TEX11: variants seen among roughly 807,000 people sequenced by gnomAD.
The protein encoded by TEX11 is testis expressed 11.
In TEX11, 7 loss-of-function variants were observed where a neutral mutation model predicts 84.4. The observed-to-expected ratio is 0.08, with a 90% CI of 0.05 to 0.16. The LOEUF is 0.16. Among genes scored for constraint, TEX11 ranks in the 10% least tolerant of loss-of-function variants. TEX11 has a pLI of 1.00. For synonymous variants in TEX11, 264 were observed against 222.8 expected (o/e 1.18, Z -1.64); for missense variants, 551 against 660.5 (o/e 0.83, Z 1.82).
At chrX:70,821,158 A>G (rs954489024) in intron 8 of TEX11, among the ~76,000 whole-genome samples, 1 of 112,350 alleles carries the variant, frequency 8.9e-6, no homozygotes. Context: ...ACTCAATAGC[A>G]AAACAAAAAA....
chrX:70,571,515 T>G (rs2088598417), intron 25 of TEX11, among the ~76,000 whole-genome samples: 1 of 112,264 alleles, frequency 8.9e-6, no homozygotes, highest in Non-Finnish European at 1.9e-5. Context: ...TTTAGTTGTA[T>G]CCAACAAGTT....
chrX:70,840,955 T>C (rs1179481955), intron 7 of TEX11, among the ~76,000 whole-genome samples: 3 of 110,582 alleles, frequency 2.7e-5, no homozygotes, highest in Admixed American at 9.6e-5. Context: ...ATGCACCCAA[T>C]ACAGGAGCAC....
intron 7 of TEX11, among the ~76,000 whole-genome samples, chrX:70,836,073 G>A (rs73213090): frequency 0.13 from 13,197 of 99,080 alleles, 778 homozygotes; most frequent in Middle Eastern, 0.31. Flanking sequence ...CCGAGATGGC[G>A]CAATATTGCC....
the TEX11 span, among the ~76,000 whole-genome samples, chrX:70,516,623 T>G: frequency 9.0e-6 from 1 of 111,651 alleles, no homozygotes; most frequent in Admixed American, 9.6e-5. Context: ...TGGTTCCATA[T>G]GAACTTTAAA....
chrX:70,685,572 C>G (rs1168850999), intron 13 of TEX11, among the ~76,000 whole-genome samples: 5 of 111,503 alleles, frequency 4.5e-5, no homozygotes, highest in African/African-American at 1.6e-4. Context: ...ACACCAAAAG[C>G]AAAGGCAAAA....
chrX:70,511,568 C>T, the TEX11 span, among the ~76,000 whole-genome samples: 4 of 106,621 alleles, frequency 3.8e-5, no homozygotes, highest in Admixed American at 3.0e-4. Flanking sequence ...AATTGGCCAA[C>T]ATAGTGAAAC....
chrX:70,696,181 C>A (rs2090278623), intron 13 of TEX11, among the ~76,000 whole-genome samples: 1 of 111,319 alleles, frequency 9.0e-6, no homozygotes, highest in African/African-American at 3.3e-5. Flanking sequence ...ACTATGGAGT[C>A]CCCTAAAACT....
intron 16 of TEX11, among the ~76,000 whole-genome samples, chrX:70,660,001 A>T (rs1037986307): frequency 5.3e-5 from 6 of 112,539 alleles, no homozygotes; most frequent in African/African-American, 1.9e-4. Flanking sequence ...CTCCTAGGCT[A>T]CAAATCTCTA....
intron 2 of TEX11, among the ~76,000 whole-genome samples, chrX:70,900,515 G>C (rs1221527392): frequency 9.1e-6 from 1 of 110,228 alleles, no homozygotes; most frequent in Non-Finnish European, 1.9e-5. Context: ...CATCAAAAAA[G>C]AGGAAAAACT....
At chrX:70,781,024 G>A (rs774916461) in intron 9 of TEX11, among the ~76,000 whole-genome samples, 6 of 112,260 alleles carry the variant, frequency 5.3e-5, no homozygotes, top group Non-Finnish European at 7.5e-5. Flanking sequence ...CCTGACCCCC[G>A]TGTAGCCTAA....
rs995712656 is a variant in TEX11, at chrX:70,907,771, A to C, written c.19T>G (p.Phe7Val). The C allele has an allele frequency of 1.0e-5, 12 of 1,186,666 alleles. No homozygotes were observed. Among genetic ancestry groups the C allele is most frequent in the Non-Finnish European group, 1.3e-5 (11 of 873,777 alleles). Residue 7 changes from phenylalanine to valine, a missense_variant, in exon 2 of 30, where the codon TTT becomes GTT. Coordinates refer to ENST00000374333, the MANE Select transcript of TEX11 (RefSeq NM_031276.3). ...TACGTACCTTTAAAGTCCATGGAAAAAAAATCATCATTGTCCATTTTTAAA... is the reference window on the plus strand; with the variant it reads ...TACGTACCTTTAAAGTCCATGGAAACAAAATCATCATTGTCCATTTTTAAA... MDNDDFFSMDFKEVVEN... is the reference protein window; with the variant it reads MDNDDFVSMDFKEVVEN...
At chrX:70,837,068 A>G (rs912452769) in intron 7 of TEX11, among the ~76,000 whole-genome samples, 5 of 110,625 alleles carry the variant, frequency 4.5e-5, no homozygotes, top group Non-Finnish European at 9.4e-5. Context: ...TGGCATGGCC[A>G]CTCTAGAAAA....
chrX:70,512,567 TC>T, the TEX11 span, among the ~76,000 whole-genome samples: 1 of 107,472 alleles, frequency 9.3e-6, no homozygotes, highest in African/African-American at 3.5e-5. Context: ...CTCAGTACTT[TC>T]CCCCCACTTT....
chrX:70,719,401 T>A (rs1250454814), intron 13 of TEX11, among the ~76,000 whole-genome samples: 1 of 112,101 alleles, frequency 8.9e-6, no homozygotes, highest in Non-Finnish European at 1.9e-5. Context: ...TCAAAAGTTC[T>A]ATCATATCAA....
chrX:70,641,185 T>C (rs984947434), intron 17 of TEX11, among the ~76,000 whole-genome samples: 6 of 111,624 alleles, frequency 5.4e-5, no homozygotes, highest in African/African-American at 2.0e-4. Flanking sequence ...CATTACATAA[T>C]GGTAAAGGGA....
At chrX:70,635,193 A>T (rs1477867713) in intron 17 of TEX11, among the ~76,000 whole-genome samples, 1 of 112,249 alleles carries the variant, frequency 8.9e-6, no homozygotes, top group Non-Finnish European at 1.9e-5. Context: ...TAGGAACAAC[A>T]GCTTTTTAAT....
intron 13 of TEX11, among the ~76,000 whole-genome samples, chrX:70,711,636 C>G (rs1207017148): frequency 1.2e-4 from 13 of 111,241 alleles, no homozygotes; most frequent in South Asian, 3.8e-4. Context: ...TGATGGGGTT[C>G]TTTGTTTTTT....
chrX:70,763,822 C>T (rs1391079901), intron 9 of TEX11, among the ~76,000 whole-genome samples: 1 of 111,242 alleles, frequency 9.0e-6, no homozygotes, highest in Non-Finnish European at 1.9e-5. Context: ...AACACTGGAG[C>T]ACCCAGATAT....
chrX:70,661,446 G>C (rs1401940397), intron 16 of TEX11, among the ~76,000 whole-genome samples: 1 of 112,526 alleles, frequency 8.9e-6, no homozygotes, highest in Non-Finnish European at 1.9e-5. Flanking sequence ...TCCACCTCTG[G>C]GGGCAGGGCA....
Sources: allele counts gnomAD v4.1 joint callset (sites outside exome capture counted in the v4.1 genomes callset), GRCh38; gene constraint gnomAD v4.1.1; transcripts MANE v1.5; gene names NCBI Gene and HGNC (gene_info 2026-07-23, HGNC 2026-07-21).